The following AMBRA1 variants were observed in gnomAD, a reference collection of about 807,000 sequenced individuals.
AMBRA1 encodes activating molecule in BECN1-regulated autophagy protein 1.
In AMBRA1, 47 loss-of-function variants were observed where a neutral mutation model predicts 125.4. The ratio of observed to expected loss-of-function variants is 0.37; its 90% confidence interval spans 0.30 to 0.48. The LOEUF is 0.48. AMBRA1 is among the 20% of genes least tolerant of loss of function. AMBRA1 has a pLI of 0.99. For synonymous variants in AMBRA1, 626 were observed against 655.5 expected, an observed-to-expected ratio of 0.95 and a Z score of 0.69; for missense variants, 1,331 against 1,693.4, an observed-to-expected ratio of 0.79 and a Z score of 3.76.
At chr11:46,538,040 G>A (rs1952559185) in intron 7 of AMBRA1, among the ~76,000 whole-genome samples, 1 of 152,206 alleles carries the variant, frequency 6.6e-6, no homozygotes, top group Non-Finnish European at 1.5e-5. Flanking sequence ...CTAGAAGCAA[G>A]GGTTGGCTCA....
intron 1 of AMBRA1, among the ~76,000 whole-genome samples, chr11:46,573,685 C>CT (rs1298786691): frequency 7.3e-6 from 1 of 137,168 alleles, no homozygotes; most frequent in Admixed American, 7.4e-5. Context: ...TTTTATTATA[C>CT]TTTAAGTTTT....
intron 1 of AMBRA1, among the ~76,000 whole-genome samples, chr11:46,589,357 T>C (rs935680071): frequency 2.6e-5 from 4 of 152,190 alleles, no homozygotes; most frequent in Non-Finnish European, 5.9e-5. Flanking sequence ...AGCATTTCTA[T>C]ACAAACAGAA....
intron 9 of AMBRA1, among the ~76,000 whole-genome samples, chr11:46,499,351 G>A (rs73467920): frequency 1.1e-4 from 16 of 152,010 alleles, no homozygotes; most frequent in Non-Finnish European, 2.2e-4. Context: ...CAATCCAGAC[G>A]TGTTCCATTT....
chr11:46,420,720 A>G (rs1671230619), intron 14 of AMBRA1, among the ~76,000 whole-genome samples: 1 of 152,172 alleles, frequency 6.6e-6, no homozygotes, highest in South Asian at 2.1e-4. Flanking sequence ...CCCAGAGTTA[A>G]GGAGGGATGA....
chr11:46,418,087 G>A (rs761512291), intron 14 of AMBRA1, 35 bp from the exon 15 acceptor site: 32 of 1,517,080 alleles, frequency 2.1e-5, no homozygotes, highest in Non-Finnish European at 2.8e-5. Context: ...AAAGAGAATG[G>A]GAGGAGAAAC....
chr11:46,557,078 G>C (rs1315062006), intron 1 of AMBRA1, among the ~76,000 whole-genome samples: 1 of 151,708 alleles, frequency 6.6e-6, no homozygotes, highest in African/African-American at 2.4e-5. Context: ...GGAAGTTGTG[G>C]TGAGCAGAGA....
Position 46,443,440 on chromosome 11 carries a change from C to G in AMBRA1, c.2632+48G>C, listed in dbSNP as rs139478917. ...CATGAATTTTTGAGTTCTGGCTCACCAGCAAATATAACCCTTCCACTGATA... is the reference window on the plus strand; with the variant it reads ...CATGAATTTTTGAGTTCTGGCTCACGAGCAAATATAACCCTTCCACTGATA... On this transcript the variant is annotated intron_variant, in intron 12 of 17. Transcript: ENST00000683756. 5.3e-4 allele frequency: 804 copies of G among 1,508,142 alleles called. 3 individuals carry two copies. The African/African-American group carries it at 8.3e-3, about 16-fold the overall frequency. The allele number at this position is 1,508,142 out of a possible 1,614,324, so 93.4% of individuals were successfully genotyped here. A position where few individuals can be genotyped will look rare whatever the true frequency, so the allele number is the denominator to read the frequency against.
At chr11:46,485,725 G>C (rs1950246660) in intron 11 of AMBRA1, among the ~76,000 whole-genome samples, 1 of 152,122 alleles carries the variant, frequency 6.6e-6, no homozygotes, top group African/African-American at 2.4e-5. Flanking sequence ...AATTTCCTGG[G>C]GAAAAGAGAG....
At chr11:46,543,483 G>T (rs1230309911) in intron 6 of AMBRA1, 85 bp from the exon 7 acceptor site, 1 of 1,519,022 alleles carries the variant, frequency 6.6e-7, no homozygotes, top group Non-Finnish European at 8.9e-7. Flanking sequence ...ACTAACCACT[G>T]ACAATCATCC....
intron 11 of AMBRA1, among the ~76,000 whole-genome samples, chr11:46,447,733 TAGATAGATAGATAGATAG>T (rs1948370271): frequency 7.6e-6 from 1 of 131,192 alleles, no homozygotes. Flanking sequence ...GATAGATAGA[TAGATAGATAGATAGATAG>T]ATAGATAGAT....
intron 1 of AMBRA1, among the ~76,000 whole-genome samples, chr11:46,551,689 G>A (rs1272014085): frequency 6.6e-6 from 1 of 152,034 alleles, no homozygotes; most frequent in Non-Finnish European, 1.5e-5. Flanking sequence ...TGGCCAACAT[G>A]GCAAAACCTA....
At chr11:46,551,819 G>A (rs1393631906) in intron 1 of AMBRA1, among the ~76,000 whole-genome samples, 1 of 152,190 alleles carries the variant, frequency 6.6e-6, no homozygotes, top group Admixed American at 6.5e-5. Context: ...CCTGAGGTCA[G>A]GAGTTCGAGA....
chr11:46,424,701 A>G (rs1470521898), intron 14 of AMBRA1, among the ~76,000 whole-genome samples: 3 of 152,166 alleles, frequency 2.0e-5, no homozygotes, highest in African/African-American at 7.2e-5. Context: ...ACAGCCAGGC[A>G]TGGTGGCACA....
intron 1 of AMBRA1, among the ~76,000 whole-genome samples, chr11:46,583,960 T>G (rs902448364): frequency 9.8e-5 from 14 of 142,852 alleles, no homozygotes; most frequent in African/African-American, 3.7e-4. Context: ...TGGAAGTCAG[T>G]GTGGCGATTC....
chr11:46,512,932 T>G, intron 7 of AMBRA1, 119 bp from the exon 8 acceptor site: 1 of 826,962 alleles, frequency 1.2e-6, no homozygotes, highest in Non-Finnish European at 1.8e-6. Flanking sequence ...CTAACGCCTG[T>G]TATCTGGGAT....
At chr11:46,490,355 T>C (rs1950417025) in intron 11 of AMBRA1, among the ~76,000 whole-genome samples, 1 of 152,224 alleles carries the variant, frequency 6.6e-6, no homozygotes, top group African/African-American at 2.4e-5. Flanking sequence ...GGCACCAAGA[T>C]AAGGGAGAAG....
intron 5 of AMBRA1, 124 bp downstream of exon 5, chr11:46,545,480 G>A (rs758367371): frequency 5.9e-5 from 68 of 1,151,774 alleles, no homozygotes; most frequent in Non-Finnish European, 7.9e-5. Flanking sequence ...AATAGGAGGA[G>A]CTATGAGGAT....
intron 11 of AMBRA1, among the ~76,000 whole-genome samples, chr11:46,465,845 C>T (rs1243595701): frequency 6.6e-6 from 1 of 152,182 alleles, no homozygotes; most frequent in Non-Finnish European, 1.5e-5. Context: ...AGAAATTGTG[C>T]AACTGTCCAT....
intron 11 of AMBRA1, among the ~76,000 whole-genome samples, chr11:46,485,745 C>T (rs1950247581): frequency 6.6e-6 from 1 of 152,116 alleles, no homozygotes; most frequent in African/African-American, 2.4e-5. Flanking sequence ...GACAAAAGCA[C>T]AGAAAAACTT....
Sources: gnomAD v4.1 joint callset for allele counts (sites outside exome capture counted in the v4.1 genomes callset) on GRCh38, gnomAD v4.1.1 for gene constraint, MANE v1.5 for transcripts, NCBI Gene and HGNC (gene_info 2026-07-23, HGNC 2026-07-21) for gene names.